The following AP3B1 variants were observed in gnomAD, a reference collection of about 807,000 sequenced individuals.
AP3B1 encodes the protein adaptor related protein complex 3 subunit beta 1, also known as AP-3 complex subunit beta-1.
In AP3B1, 61 loss-of-function variants were observed where a neutral mutation model predicts 132.5. The observed-to-expected ratio is 0.46, with a 90% CI of 0.37 to 0.57. The LOEUF (loss-of-function observed/expected upper bound fraction) is 0.57. Ranked by LOEUF, AP3B1 falls within the 20% of genes least tolerant of loss-of-function variation. AP3B1 has a pLI of 0.00. For missense variants in AP3B1, 1,120 were observed against 1,289.4 expected (o/e 0.87, Z 2.01); for synonymous variants, 388 against 438.3 (o/e 0.89, Z 1.43).
At chr5:78,208,109 GAGA>G (rs1745587281) in intron 7 of AP3B1, among the ~76,000 whole-genome samples, 5 of 151,982 alleles carry the variant, frequency 3.3e-5, no homozygotes, top group Admixed American at 3.3e-4. Flanking sequence ...GAAAGAGAGA[GAGA>G]AGAAGAAAGC....
chr5:78,127,122 A>G (rs1404239800), intron 17 of AP3B1, among the ~76,000 whole-genome samples: 1 of 152,218 alleles, frequency 6.6e-6, no homozygotes, highest in Non-Finnish European at 1.5e-5. Flanking sequence ...CATGATCATT[A>G]TAGAAATTCT....
chr5:78,044,266 CAA>C (rs1748224968), intron 22 of AP3B1: 1 of 152,520 alleles, frequency 6.6e-6, no homozygotes, highest in African/African-American at 2.4e-5. Context: ...TTATACTCAG[CAA>C]AAGTTTTCTT....
At chr5:78,141,363 T>C (rs1314021143) in intron 14 of AP3B1, 44 bp from the exon 15 acceptor site, 8 of 1,483,028 alleles carry the variant, frequency 5.4e-6, no homozygotes, top group Non-Finnish European at 7.5e-6. Context: ...AAGTTAATCA[T>C]ACTCTAATAT....
chr5:78,042,527 CA>C (rs1748134756), intron 22 of AP3B1: 1 of 155,478 alleles, frequency 6.4e-6, no homozygotes, highest in Non-Finnish European at 1.4e-5. Flanking sequence ...TGAGATACCA[CA>C]ACTGGCCCAA....
chr5:78,039,875 T>C (rs1278152043), intron 22 of AP3B1, among the ~76,000 whole-genome samples: 1 of 151,732 alleles, frequency 6.6e-6, no homozygotes, highest in Non-Finnish European at 1.5e-5. Flanking sequence ...TTTTTTTTTT[T>C]TTGCTGGGGG....
chr5:78,028,088 T>C (rs1211792505), intron 24 of AP3B1, among the ~76,000 whole-genome samples: 2 of 151,470 alleles, frequency 1.3e-5, no homozygotes, highest in Non-Finnish European at 2.9e-5. Context: ...ATCGCACCAC[T>C]GCACTCCAGC....
chr5:78,169,530 G>A (rs1036139493), intron 11 of AP3B1, among the ~76,000 whole-genome samples: 4 of 152,196 alleles, frequency 2.6e-5, no homozygotes, highest in Middle Eastern at 3.4e-3. Flanking sequence ...CTGGGATCAA[G>A]CAATCTGCCC....
chr5:78,260,875 G>T (rs1157979969), intron 2 of AP3B1, among the ~76,000 whole-genome samples: 1 of 152,140 alleles, frequency 6.6e-6, no homozygotes, highest in Admixed American at 6.5e-5. Flanking sequence ...TTGTGTGTGT[G>T]TGTCTGGCTT....
intron 7 of AP3B1, among the ~76,000 whole-genome samples, chr5:78,187,050 A>G (rs1744632363): frequency 6.6e-6 from 1 of 152,166 alleles, no homozygotes; most frequent in Non-Finnish European, 1.5e-5. Context: ...TTAAACTAGA[A>G]ATCATAACAT....
At chr5:78,028,639 C>T (rs757961964) in intron 24 of AP3B1, among the ~76,000 whole-genome samples, 23 of 152,054 alleles carry the variant, frequency 1.5e-4, no homozygotes, top group Non-Finnish European at 2.8e-4. Flanking sequence ...CTATGGGTAA[C>T]CTGTACGGGC....
chr5:78,159,039 T>C (rs927199674), intron 13 of AP3B1, among the ~76,000 whole-genome samples: 2 of 152,172 alleles, frequency 1.3e-5, no homozygotes, highest in African/African-American at 2.4e-5. Context: ...CTTGGTGCTA[T>C]GAGGAAAGCA....
intron 22 of AP3B1, among the ~76,000 whole-genome samples, chr5:78,050,472 C>A (rs987052929): frequency 5.9e-5 from 9 of 151,302 alleles, no homozygotes; most frequent in Non-Finnish European, 1.0e-4. Context: ...ATGCTGAGTG[C>A]TCAATTATAA....
At chr5:78,121,019 A>G (rs1398200427) in intron 17 of AP3B1, among the ~76,000 whole-genome samples, 2 of 152,244 alleles carry the variant, frequency 1.3e-5, no homozygotes, top group African/African-American at 2.4e-5. Flanking sequence ...CAATCAAACT[A>G]GAACTCAGGA....
intron 6 of AP3B1, among the ~76,000 whole-genome samples, chr5:78,217,560 TTTCA>T (rs1746014480): frequency 6.6e-6 from 1 of 152,092 alleles, no homozygotes; most frequent in Admixed American, 6.6e-5. Context: ...AAGCTCATGC[TTTCA>T]ATCACATTTT....
intron 7 of AP3B1, among the ~76,000 whole-genome samples, chr5:78,215,624 A>G (rs1329359591): frequency 6.6e-6 from 1 of 152,244 alleles, no homozygotes; most frequent in Non-Finnish European, 1.5e-5. Flanking sequence ...TAGAGGCAAG[A>G]AATTAATTAC....
At chr5:78,163,291 G>A (rs1743463310) in intron 12 of AP3B1, among the ~76,000 whole-genome samples, 1 of 151,976 alleles carries the variant, frequency 6.6e-6, no homozygotes, top group Admixed American at 6.6e-5. Context: ...TCTCTTTGGA[G>A]GTTTCAGTTC....
intron 22 of AP3B1, 33 bp from the exon 23 acceptor site, chr5:78,039,307 G>GTAAAA: frequency 6.7e-7 from 1 of 1,485,176 alleles, no homozygotes; most frequent in South Asian, 1.1e-5. Context: ...AAAAAGATGA[G>GTAAAA]TTAGTGAATA....
chr5:78,255,349 A>G (rs1747807182), intron 2 of AP3B1, among the ~76,000 whole-genome samples: 1 of 152,136 alleles, frequency 6.6e-6, no homozygotes, highest in Non-Finnish European at 1.5e-5. Flanking sequence ...GCCCACAAAA[A>G]AACACACTGT....
At chr5:78,123,183 T>C (rs1752304216) in intron 17 of AP3B1, among the ~76,000 whole-genome samples, 3 of 152,202 alleles carry the variant, frequency 2.0e-5, no homozygotes, top group African/African-American at 4.8e-5. Context: ...TTACACCTTA[T>C]ACAAAAATTA....
Sources: gnomAD v4.1 joint callset for allele counts (sites outside exome capture counted in the v4.1 genomes callset) on GRCh38, gnomAD v4.1.1 for gene constraint, MANE v1.5 for transcripts, NCBI Gene and HGNC (gene_info 2026-07-23, HGNC 2026-07-21) for gene names.